Variants in R3HDM2 observed in about 807,000 individuals in gnomAD.
The protein encoded by R3HDM2 is R3H domain-containing protein 2.
In R3HDM2, 38 loss-of-function variants were observed where a neutral mutation model predicts 124.5. The observed-to-expected ratio is 0.31, with a 90% CI of 0.24 to 0.40. R3HDM2 has a LOEUF of 0.40. R3HDM2 is among the 10% of genes least tolerant of loss of function. The pLI is 1.00. For missense variants in R3HDM2, 869 were observed against 1,236.9 expected, an observed-to-expected ratio of 0.70 and a Z score of 4.46; for synonymous variants, 391 against 448.0, an observed-to-expected ratio of 0.87 and a Z score of 1.61.
chr12:57,349,305 G>A (rs1183760196), intron 2 of R3HDM2, among the ~76,000 whole-genome samples: 3 of 148,256 alleles, frequency 2.0e-5, no homozygotes, highest in African/African-American at 7.5e-5. Flanking sequence ...GCGTGAACCC[G>A]GGAGGCAGAG....
chr12:57,305,356 C>G, intron 3 of R3HDM2, among the ~76,000 whole-genome samples: 1 of 151,982 alleles, frequency 6.6e-6, no homozygotes, highest in South Asian at 2.1e-4. Flanking sequence ...TAATGTTTCA[C>G]CATTTAGGAT....
At chr12:57,268,267 G>T in intron 18 of R3HDM2, 36 bp downstream of exon 18, 1 of 1,602,502 alleles carries the variant, frequency 6.2e-7, no homozygotes, top group Non-Finnish European at 8.5e-7. Flanking sequence ...AAGGTCTATG[G>T]GAGATGTCCT....
In R3HDM2 at chr12:57,268,347, T is replaced by C. The variant is rs767366036; in HGVS notation, c.1986A>G (p.Pro662=). Residue 662 remains proline, a synonymous_variant, in exon 18 of 24, where the codon CCA becomes CCG. Transcript: ENST00000402412. ...CAGGTGGGATCATGCTATAGTACAC[T>C]GGTACCCCCGCTGCTGGGAGGCCTC... is the stretch of plus-strand genomic sequence containing the variant. ...VQGGLPAAGV[P]VYYSMIPPAQ... The C allele has an allele frequency of 2.5e-6, 4 of 1,614,102 alleles. No individual in the cohort carries two copies. Among genetic ancestry groups the C allele is most frequent in the Non-Finnish European group, 3.4e-6 (4 of 1,180,000 alleles).
rs528305062 is a variant in R3HDM2 at position 57,330,793 on chromosome 12, G to A, written c.-35-20330C>T. Among the ~76,000 whole-genome samples the A allele has an allele frequency of 3.4e-5, 5 of 146,670 alleles. No individual in the cohort carries two copies. The South Asian group carries it at 1.1e-3, about 32-fold the overall frequency. On this transcript the variant is annotated intron_variant, in intron 2 of 23. Coordinates refer to ENST00000402412, the MANE Select transcript of R3HDM2 (RefSeq NM_001394031.1). ...AGCTCACTGCAAGCTCCGCCTCCCG[G>A]GTTCACGCCATTCTCCTGCCTCAGC...
Position 57,296,292 on chromosome 12 carries a change from A to G in R3HDM2, c.701+119T>C. ...CTTGGCCTCCCAAAGTGCTGGGATTACAGGTGTGAGCCACCACGCCTGGCC... is the reference window on the plus strand; with the variant it reads ...CTTGGCCTCCCAAAGTGCTGGGATTGCAGGTGTGAGCCACCACGCCTGGCC... On this transcript the variant is annotated intron_variant, in intron 9 of 23. Coordinates refer to ENST00000402412, the MANE Select transcript of R3HDM2 (RefSeq NM_001394031.1). This position sits in a 1 kb window ranked among gnomAD's most constrained non-coding sequence, Gnocchi z 4.5. 5 of 1,178,332 alleles carry G rather than the reference A, an allele frequency of 4.2e-6. No homozygotes were observed. The allele number at this position is 1,178,332 out of a possible 1,614,324, so 73.0% of individuals were successfully genotyped here. A position where few individuals can be genotyped will look rare whatever the true frequency, so the allele number is the denominator to read the frequency against.
At chr12:57,420,306 GTT>G (rs2070065054) in intron 1 of R3HDM2, among the ~76,000 whole-genome samples, 1 of 152,054 alleles carries the variant, frequency 6.6e-6, no homozygotes. Flanking sequence ...GAAAGACAAA[GTT>G]TGTTTTTTCT....
intron 2 of R3HDM2, among the ~76,000 whole-genome samples, chr12:57,336,767 A>G (rs1212753367): frequency 6.6e-6 from 1 of 151,772 alleles, no homozygotes; most frequent in Non-Finnish European, 1.5e-5. Context: ...CCTGTGATAC[A>G]TGTTTACCTG....
chr12:57,423,157 C>A (rs1017145582), intron 1 of R3HDM2, among the ~76,000 whole-genome samples: 1 of 152,076 alleles, frequency 6.6e-6, no homozygotes, highest in Non-Finnish European at 1.5e-5. Flanking sequence ...CGCGGTGGCT[C>A]ATGCCTGTAA....
At chr12:57,349,979 G>A (rs528835302) in intron 2 of R3HDM2, among the ~76,000 whole-genome samples, 59 of 152,154 alleles carry the variant, frequency 3.9e-4, no homozygotes, top group Non-Finnish European at 7.2e-4. Context: ...TTGGGAGGCC[G>A]AGGTGGGCAG....
intron 4 of R3HDM2, among the ~76,000 whole-genome samples, chr12:57,301,421 C>T (rs191286393): frequency 6.6e-6 from 1 of 152,328 alleles, no homozygotes; most frequent in East Asian, 1.9e-4. Flanking sequence ...TGCAGTATAG[C>T]AGAAAGAACT....
At chr12:57,326,133 C>G (rs569119454) in intron 2 of R3HDM2, among the ~76,000 whole-genome samples, 28 of 152,132 alleles carry the variant, frequency 1.8e-4, no homozygotes, top group Non-Finnish European at 3.2e-4. Flanking sequence ...CTTCTACCAC[C>G]CAACTGTTCC....
chr12:57,358,295 G>A lies in R3HDM2; in HGVS notation c.-36+37454C>T, dbSNP rs1049815268. ...AGCCACCGCGCCCAGCCAAATTTAG[G>A]ATTTAAATACACAAAGTATGTTTTG... On this transcript the variant is annotated intron_variant, in intron 2 of 23. Coordinates refer to ENST00000402412, the MANE Select transcript of R3HDM2 (RefSeq NM_001394031.1). Among the ~76,000 whole-genome samples, 8 of 152,042 alleles carry A rather than the reference G, an allele frequency of 5.3e-5. No homozygotes were observed. The South Asian group carries it at 1.7e-3, about 32-fold the overall frequency.
Position 57,254,357 on chromosome 12 carries a change from C to T in R3HDM2, c.*416G>A, listed in dbSNP as rs771120706. The stretch of plus-strand genomic sequence containing the variant: ...CTCTACTAAAAATACAAAAATTAGC[C>T]GGGCATGGTGGCGCGTGTCTGTAGT... On this transcript the variant is annotated 3_prime_UTR_variant, in exon 24 of 24. Coordinates refer to ENST00000402412, the MANE Select transcript of R3HDM2 (RefSeq NM_001394031.1). 47 of 412,030 alleles carry T rather than the reference C, an allele frequency of 1.1e-4. No individual in the cohort carries two copies. Among genetic ancestry groups the T allele is most frequent in the South Asian group, 3.5e-4 (20 of 56,754 alleles). 25.5% of individuals were successfully genotyped at this position (412,030 alleles called of 1,614,324 possible).
intron 10 of R3HDM2, among the ~76,000 whole-genome samples, chr12:57,294,668 G>C (rs937310308): frequency 4.6e-5 from 7 of 152,144 alleles, no homozygotes; most frequent in Non-Finnish European, 1.5e-5. Context: ...GCCAAGCAGA[G>C]GCAGGCTGGA....
intron 19 of R3HDM2, among the ~76,000 whole-genome samples, chr12:57,260,263 C>CAAAAAAAAAAAAAAAAAAAAAAGAAA (rs2040392579): frequency 3.2e-5 from 1 of 31,564 alleles, no homozygotes; most frequent in African/African-American, 1.2e-4. Context: ...GACCCTGCCT[C>CAAAAAAAAAAAAAAAAAAAAAAGAAA]AAAAAAAAAA....
intron 11 of R3HDM2, among the ~76,000 whole-genome samples, chr12:57,290,875 G>T (rs1466549255): frequency 6.6e-6 from 1 of 152,182 alleles, no homozygotes; most frequent in Non-Finnish European, 1.5e-5. Context: ...GCCTCCCAGA[G>T]TGCTGGGATT....
At chr12:57,377,854 G>A (rs985422164) in intron 2 of R3HDM2, among the ~76,000 whole-genome samples, 5 of 152,224 alleles carry the variant, frequency 3.3e-5, no homozygotes, top group African/African-American at 7.2e-5. Flanking sequence ...TTGGGAGGCC[G>A]AGGTGGGCGG....
At chr12:57,366,835 G>A (rs976973079) in intron 2 of R3HDM2, among the ~76,000 whole-genome samples, 2 of 152,092 alleles carry the variant, frequency 1.3e-5, no homozygotes, top group Admixed American at 6.6e-5. Context: ...GACTACGGGC[G>A]CCCGCCACCA....
chr12:57,399,271 G>A (rs1182825295), intron 1 of R3HDM2, among the ~76,000 whole-genome samples: 5 of 151,962 alleles, frequency 3.3e-5, no homozygotes, highest in East Asian at 1.9e-4. Context: ...GCATGGTGGC[G>A]TGCACCTGTA....
Sources: gnomAD v4.1 joint callset for allele counts (sites outside exome capture counted in the v4.1 genomes callset) on GRCh38, gnomAD v4.1.1 for gene constraint, Gnocchi (gnomAD v3.1) non-coding constraint, MANE v1.5 for transcripts, NCBI Gene and HGNC (gene_info 2026-07-23, HGNC 2026-07-21) for gene names.